Variants in CARMIL1 observed in about 807,000 individuals in gnomAD.
CARMIL1 encodes the protein capping protein regulator and myosin 1 linker 1.
A neutral mutation model predicts 177.1 loss-of-function variants in CARMIL1; 90 were observed. That is an observed-to-expected ratio of 0.51 (90% CI 0.43 to 0.61). The LOEUF (loss-of-function observed/expected upper bound fraction) is 0.61. Ranked by LOEUF, CARMIL1 falls within the 20% of genes least tolerant of loss-of-function variation. The probability of loss-of-function intolerance (pLI) is 0.00; values close to 1 mark genes in which losing one functional copy is unlikely to be tolerated. For missense variants in CARMIL1, 1,380 were observed against 1,667.0 expected (o/e 0.83, Z 3.00); for synonymous variants, 577 against 606.2 (o/e 0.95, Z 0.71).
chr6:25,279,691 G>A lies in CARMIL1; in HGVS notation c.-105G>A. The A allele has an allele frequency of 1.9e-6, 2 of 1,048,714 alleles. No individual in the cohort carries two copies. Among genetic ancestry groups the A allele is most frequent in the African/African-American group, 1.6e-5 (1 of 63,624 alleles). The allele number at this position is 1,048,714 out of a possible 1,614,324, so 65.0% of individuals were successfully genotyped here. ...CCCCTTTTCTTGCCCACTTCCATTTGCAAGCTGCATCTGCCTCTCTAAAAA... is the reference window on the plus strand; with the variant it reads ...CCCCTTTTCTTGCCCACTTCCATTTACAAGCTGCATCTGCCTCTCTAAAAA... On this transcript the variant is annotated 5_prime_UTR_variant, in exon 1 of 37. Coordinates refer to ENST00000329474, the MANE Select transcript of CARMIL1 (RefSeq NM_017640.6).
At chr6:25,399,933 C>T (rs9467494) in intron 2 of CARMIL1, among the ~76,000 whole-genome samples, 65,087 of 151,878 alleles carry the variant, frequency 0.43, 14,146 homozygotes, top group Middle Eastern at 0.57. Flanking sequence ...ATCTTCACGA[C>T]ACTTATAGGA....
chr6:25,464,983 C>T (rs1367808856), intron 8 of CARMIL1, among the ~76,000 whole-genome samples: 2 of 145,400 alleles, frequency 1.4e-5, no homozygotes, highest in Non-Finnish European at 3.0e-5. Context: ...CAGATAGCTT[C>T]ACTACATGGT....
intron 29 of CARMIL1, among the ~76,000 whole-genome samples, chr6:25,575,252 A>T (rs1348134881): frequency 6.6e-6 from 1 of 152,222 alleles, no homozygotes; most frequent in Non-Finnish European, 1.5e-5. Flanking sequence ...CAAAGAGTGG[A>T]CAAGAGTAGC....
chr6:25,500,358 A>T (rs572429181), intron 17 of CARMIL1, 123 bp downstream of exon 17: 9 of 784,102 alleles, frequency 1.1e-5, no homozygotes, highest in Middle Eastern at 3.1e-4. Flanking sequence ...AATAAATTAT[A>T]CAAGTTTCTA....
At chr6:25,520,100 A>T (rs1285861875) in intron 22 of CARMIL1, 144 bp from the exon 23 acceptor site, 1 of 503,408 alleles carries the variant, frequency 2.0e-6, no homozygotes, top group Non-Finnish European at 3.6e-6. Context: ...ATAATCTGCA[A>T]TCTAGGGGCC....
chr6:25,619,104 A>G (rs1759527317), intron 36 of CARMIL1, among the ~76,000 whole-genome samples: 1 of 152,190 alleles, frequency 6.6e-6, no homozygotes, highest in Admixed American at 6.5e-5. Context: ...CACCTGGAGC[A>G]GAACCGCTTC....
chr6:25,614,940 G>A (rs1238316167), intron 36 of CARMIL1, among the ~76,000 whole-genome samples: 1 of 152,170 alleles, frequency 6.6e-6, no homozygotes, highest in African/African-American at 2.4e-5. Flanking sequence ...AAATTTTGAT[G>A]GAACTAAATA....
At chr6:25,545,499 C>A (rs1809363037) in intron 26 of CARMIL1, among the ~76,000 whole-genome samples, 1 of 152,132 alleles carries the variant, frequency 6.6e-6, no homozygotes, top group African/African-American at 2.4e-5. Flanking sequence ...TGGTAGAGAT[C>A]TTTTAAAATA....
At chr6:25,572,153 A>G (rs1812123362) in intron 29 of CARMIL1, among the ~76,000 whole-genome samples, 1 of 152,212 alleles carries the variant, frequency 6.6e-6, no homozygotes, top group African/African-American at 2.4e-5. Flanking sequence ...AGAAATGTCA[A>G]GATGTCAACA....
At chr6:25,390,894 GT>G (rs1411151449) in intron 2 of CARMIL1, among the ~76,000 whole-genome samples, 1 of 152,106 alleles carries the variant, frequency 6.6e-6, no homozygotes, top group Non-Finnish European at 1.5e-5. Flanking sequence ...TAGAGATGGG[GT>G]TTCACCATGT....
chr6:25,532,285 C>CA (rs1283983550), intron 24 of CARMIL1, among the ~76,000 whole-genome samples: 14 of 147,336 alleles, frequency 9.5e-5, no homozygotes, highest in East Asian at 7.9e-4. Context: ...TTTGCCCATC[C>CA]AAAAAAAAAA....
intron 2 of CARMIL1, among the ~76,000 whole-genome samples, chr6:25,363,458 C>T (rs1351348147): frequency 6.6e-6 from 1 of 151,996 alleles, no homozygotes; most frequent in Non-Finnish European, 1.5e-5. Flanking sequence ...GTTTATTATT[C>T]AGAGCCAGCA....
Position 25,352,778 on chromosome 6 carries a change from C to T in CARMIL1, c.139-67336C>T, listed in dbSNP as rs149831602. ...CTTTTCAAATAATTAAAAAAACTGT[C>T]TTGCTGGAGTAGCTCTCTCTTACCC... On this transcript the variant is annotated intron_variant, in intron 2 of 36. Transcript: ENST00000329474. Among the ~76,000 whole-genome samples the T allele has an allele frequency of 5.4e-3, 820 of 152,282 alleles. 8 individuals carry two copies. Among genetic ancestry groups the T allele is most frequent in the African/African-American group, 0.013 (535 of 41,544 alleles).
chr6:25,342,959 A>C (rs1246812197), intron 2 of CARMIL1, among the ~76,000 whole-genome samples: 1 of 152,192 alleles, frequency 6.6e-6, no homozygotes, highest in Admixed American at 6.5e-5. Context: ...TATCTGTCTA[A>C]TCTTATTTTC....
intron 20 of CARMIL1, among the ~76,000 whole-genome samples, chr6:25,513,970 G>T (rs372797796): frequency 2.0e-5 from 3 of 152,152 alleles, no homozygotes; most frequent in Admixed American, 6.5e-5. Flanking sequence ...GTTCAACCTG[G>T]TTAACCTGGA....
At chr6:25,582,712 C>CTTTCAAAT (rs1389145804) in intron 31 of CARMIL1, among the ~76,000 whole-genome samples, 3 of 152,180 alleles carry the variant, frequency 2.0e-5, no homozygotes, top group African/African-American at 4.8e-5. Flanking sequence ...CTGAGAACTA[C>CTTTCAAAT]TTTCAAATTT....
intron 2 of CARMIL1, among the ~76,000 whole-genome samples, chr6:25,393,125 A>C (rs753294552): frequency 6.6e-6 from 1 of 152,222 alleles, no homozygotes; most frequent in Non-Finnish European, 1.5e-5. Context: ...ACAATAACTT[A>C]CGAATTGCAT....
At chr6:25,287,070 CT>C (rs1781572336) in intron 2 of CARMIL1, among the ~76,000 whole-genome samples, 1 of 152,204 alleles carries the variant, frequency 6.6e-6, no homozygotes, top group African/African-American at 2.4e-5. Context: ...CAAGGTCTGG[CT>C]TTCTTTGACA....
intron 2 of CARMIL1, among the ~76,000 whole-genome samples, chr6:25,402,031 G>A (rs897984437): frequency 2.8e-5 from 4 of 143,256 alleles, no homozygotes; most frequent in African/African-American, 1.0e-4. Flanking sequence ...CCCTTTTTAT[G>A]CCTTCCTAAT....
Sources: allele counts gnomAD v4.1 joint callset (sites outside exome capture counted in the v4.1 genomes callset), GRCh38; gene constraint gnomAD v4.1.1; transcripts MANE v1.5; gene names NCBI Gene and HGNC (gene_info 2026-07-23, HGNC 2026-07-21).